Variants in ZSCAN25 observed in about 807,000 individuals in gnomAD.
ZSCAN25 encodes zinc finger and SCAN domain containing 25.
A neutral mutation model predicts 38.7 loss-of-function variants in ZSCAN25; 27 were observed. The observed-to-expected ratio is 0.70, with a 90% CI of 0.51 to 0.96. ZSCAN25 has a LOEUF of 0.96. Among genes scored for constraint, ZSCAN25 ranks in the 40% least tolerant of loss-of-function variants. The probability of loss-of-function intolerance (pLI) is 0.00; values close to 1 mark genes in which losing one functional copy is unlikely to be tolerated. For missense variants in ZSCAN25, 637 were observed against 705.9 expected (o/e 0.90, Z 1.11); for synonymous variants, 273 against 277.7 (o/e 0.98, Z 0.17).
At chr7:99,701,426 A>G in the ZSCAN25 span, among the ~76,000 whole-genome samples, 1 of 152,240 alleles carries the variant, frequency 6.6e-6, no homozygotes, top group Non-Finnish European at 1.5e-5. Context: ...GGGAATGAAG[A>G]TATCTCTTCA....
At chr7:99,679,798 A>C in the ZSCAN25 span, 1 of 1,612,516 alleles carries the variant, frequency 6.2e-7, no homozygotes. Flanking sequence ...CCAAGGAAAC[A>C]AAGAGAGGAG....
chr7:99,678,427 T>G, the ZSCAN25 span, among the ~76,000 whole-genome samples: 1 of 152,238 alleles, frequency 6.6e-6, no homozygotes, highest in Non-Finnish European at 1.5e-5. Context: ...CCTGAGAGTT[T>G]AAGACAATCT....
rs1806781252 is a variant in ZSCAN25, at chr7:99,619,764, C to T, written c.158C>T (p.Ala53Val). The part of the protein sequence containing the change: ...LRFRQFRYQE[A>V]AGPQEALREL... ...TTTCGGCAGTTCCGCTACCAGGAGG[C>T]AGCTGGACCCCAGGAAGCTCTTAGG... Residue 53 changes from alanine (A) to valine (V), a missense_variant, in exon 4 of 8, where the codon GCA (alanine) becomes GTA (valine). Physicochemically the swap from Ala to Val is moderately conservative, Grantham distance 64. Transcript: ENST00000394152. 6.2e-7 allele frequency: 1 copy of T among 1,614,116 alleles called. No homozygotes were observed. The highest frequency in any genetic ancestry group is 1.7e-5 in the Admixed American group (1 of 60,014).
At chr7:99,705,546 A>G in the ZSCAN25 span, 3 of 1,613,692 alleles carry the variant, frequency 1.9e-6, no homozygotes, top group Non-Finnish European at 2.5e-6. Context: ...CTTTAGAACA[A>G]TGGGTTTTTC....
At chr7:99,617,660 G>A (rs186523557) in intron 1 of ZSCAN25, among the ~76,000 whole-genome samples, 11 of 152,298 alleles carry the variant, frequency 7.2e-5, no homozygotes, top group Admixed American at 7.2e-4. Context: ...TGGGAGGATC[G>A]CTTGATCCTA....
At chr7:99,719,130 T>C in the ZSCAN25 span, among the ~76,000 whole-genome samples, 1 of 152,242 alleles carries the variant, frequency 6.6e-6, no homozygotes, top group African/African-American at 2.4e-5. Context: ...GCATGTTTAT[T>C]TATAGACACT....
chr7:99,676,252 A>G, the ZSCAN25 span: 3 of 1,611,068 alleles, frequency 1.9e-6, no homozygotes, highest in African/African-American at 4.0e-5. Context: ...TTGTGACTTT[A>G]TAGATCAGAG....
chr7:99,624,242 C>G, intron 7 of ZSCAN25, 62 bp downstream of exon 7: 1 of 1,606,488 alleles, frequency 6.2e-7, no homozygotes, highest in East Asian at 2.2e-5. Context: ...GGTCAGGGGT[C>G]CTGCCGTAGC....
At chr7:99,640,130 G>A in the ZSCAN25 span, among the ~76,000 whole-genome samples, 4 of 152,148 alleles carry the variant, frequency 2.6e-5, no homozygotes, top group Non-Finnish European at 5.9e-5. Context: ...CAAACTCTTC[G>A]TTTTCTTCCC....
At chr7:99,713,087 C>T in the ZSCAN25 span, among the ~76,000 whole-genome samples, 7 of 152,142 alleles carry the variant, frequency 4.6e-5, no homozygotes, top group East Asian at 1.9e-4. Context: ...AAAGTAATTG[C>T]GGTTTTTGCC....
Position 99,622,607 on chromosome 7 carries a change from G to T in ZSCAN25, c.648G>T (p.Glu216Asp). ...CCGCAGTGAATCCCAGAGACCAAGA[G>T]ATGGCAGCTGGGTTCTTTACTGCTG... is the stretch of plus-strand genomic sequence containing the variant. ...GLPAVNPRDQ[E>D]MAAGFFTAGS... Residue 216 changes from glutamate to aspartate, a missense_variant, in exon 6 of 8, where the codon GAG becomes GAT. Coordinates refer to ENST00000394152, the MANE Select transcript of ZSCAN25 (RefSeq NM_145115.3). 6.2e-7 allele frequency: 1 copy of T among 1,614,216 alleles called. No homozygotes were observed.
intron 4 of ZSCAN25, chr7:99,620,913 C>G (rs1248347766): frequency 6.5e-6 from 1 of 152,892 alleles, no homozygotes; most frequent in Non-Finnish European, 1.5e-5. Flanking sequence ...GCATGCCTGG[C>G]TAATTTTTTT....
chr7:99,662,931 C>T, the ZSCAN25 span: 1 of 1,609,548 alleles, frequency 6.2e-7, no homozygotes, highest in South Asian at 1.1e-5. This position sits in a 1 kb window ranked among gnomAD's most constrained non-coding sequence, Gnocchi z 4.3. Context: ...CTCGTGAAGT[C>T]AGAAGTAAAT....
In ZSCAN25 at chr7:99,630,037, G is replaced by A. The variant is rs771187395; in HGVS notation, c.*17G>A. Reference sequence around the variant, plus strand: ...GTGCAGTGAGCATAGCAGGTGGCAGGCAGCACCATCATTCATCTTTCTCAC... The same window carrying A: ...GTGCAGTGAGCATAGCAGGTGGCAGACAGCACCATCATTCATCTTTCTCAC... On this transcript the variant is annotated 3_prime_UTR_variant, in exon 8 of 8. Coordinates refer to ENST00000394152, the MANE Select transcript of ZSCAN25 (RefSeq NM_145115.3). 6.7e-7 allele frequency: 1 copy of A among 1,499,368 alleles called. No individual in the cohort carries two copies. The highest frequency in any genetic ancestry group is 2.3e-5 in the Admixed American group (1 of 43,334). 92.9% of individuals were successfully genotyped at this position (1,499,368 alleles called of 1,614,324 possible). A position where few individuals can be genotyped will look rare whatever the true frequency, so the allele number is the denominator to read the frequency against.
At chr7:99,676,985 A>G in the ZSCAN25 span, among the ~76,000 whole-genome samples, 2 of 152,066 alleles carry the variant, frequency 1.3e-5, no homozygotes, top group Non-Finnish European at 2.9e-5. Flanking sequence ...AGCAACTAAT[A>G]CTTCTCAGGT....
chr7:99,663,851 C>T, the ZSCAN25 span: 3 of 1,412,086 alleles, frequency 2.1e-6, no homozygotes, highest in Non-Finnish European at 2.8e-6. Context: ...TTCTCTTGTT[C>T]TAAACATAAG....
chr7:99,652,675 G>C, the ZSCAN25 span: 3 of 1,614,002 alleles, frequency 1.9e-6, no homozygotes, highest in Non-Finnish European at 2.5e-6. Context: ...CATCTTTCTT[G>C]CAAGTCCTCT....
chr7:99,658,687 C>T, the ZSCAN25 span: 4 of 152,238 alleles, frequency 2.6e-5, no homozygotes, highest in African/African-American at 7.2e-5. Flanking sequence ...TTTCCAACTT[C>T]GTTCTATTCT....
the ZSCAN25 span, among the ~76,000 whole-genome samples, chr7:99,681,060 G>A: frequency 1.3e-5 from 2 of 152,204 alleles, no homozygotes; most frequent in Non-Finnish European, 2.9e-5. Context: ...CAATATCTGT[G>A]TTTCTGTGCC....
Sources: allele counts gnomAD v4.1 joint callset (sites outside exome capture counted in the v4.1 genomes callset), GRCh38; gene constraint gnomAD v4.1.1; non-coding constraint Gnocchi (gnomAD v3.1); transcripts MANE v1.5; gene names NCBI Gene and HGNC (gene_info 2026-07-23, HGNC 2026-07-21).